LGR6: variants seen among roughly 807,000 people sequenced by gnomAD.
LGR6 encodes leucine-rich repeat-containing G protein-coupled receptor 6.
In LGR6, 45 loss-of-function variants were observed where a neutral mutation model predicts 69.4. The ratio of observed to expected loss-of-function variants is 0.65; its 90% CI spans 0.51 to 0.83. The LOEUF is 0.83. Ranked by LOEUF, LGR6 falls within the 40% of genes least tolerant of loss-of-function variation. LGR6 has a pLI of 0.00. For synonymous variants in LGR6, 538 were observed against 555.0 expected (o/e 0.97, Z 0.43); for missense variants, 1,108 against 1,246.7 (o/e 0.89, Z 1.68).
chr1:202,194,010 C>A lies in LGR6; in HGVS notation c.21C>A (p.Leu7=). 1 of 1,381,952 alleles carries A rather than the reference C, an allele frequency of 7.2e-7. No homozygotes were observed. The highest frequency in any genetic ancestry group is 9.3e-7 in the Non-Finnish European group (1 of 1,070,896). 85.6% of individuals were successfully genotyped at this position (1,381,952 alleles called of 1,614,324 possible). A position where few individuals can be genotyped will look rare whatever the true frequency, so the allele number is the denominator to read the frequency against. ...CCGAGATGCCCAGCCCGCCGGGGCT[C>A]CGGGCGCTATGGCTTTGCGCCGCGC... The part of the protein sequence containing the change: MPSPPG[L]RALWLCAALC... The change falls in exon 1 of 18, where the codon CTC becomes CTA. Residue 7 remains leucine (L), a synonymous_variant. Coordinates refer to ENST00000367278, the MANE Select transcript of LGR6 (RefSeq NM_001017403.2).
At chr1:202,317,018 T>A (rs1229517360) in intron 17 of LGR6, among the ~76,000 whole-genome samples, 8 of 152,168 alleles carry the variant, frequency 5.3e-5, no homozygotes. Flanking sequence ...CTGACAAGTA[T>A]TCAATGTGGT....
At chr1:202,199,740 T>A (rs1658773747) in intron 1 of LGR6, among the ~76,000 whole-genome samples, 1 of 152,150 alleles carries the variant, frequency 6.6e-6, no homozygotes. Context: ...GAGTCTCAGC[T>A]CCACTGTTGA....
At chr1:202,213,113 T>C (rs1015295353) in intron 1 of LGR6, among the ~76,000 whole-genome samples, 5 of 152,174 alleles carry the variant, frequency 3.3e-5, no homozygotes, top group African/African-American at 1.2e-4. Context: ...CCAGTGCTCA[T>C]CCAGGGCTCT....
chr1:202,253,329 G>C (rs1240195719), intron 4 of LGR6, among the ~76,000 whole-genome samples: 1 of 151,460 alleles, frequency 6.6e-6, no homozygotes. Context: ...TTAAGATGGA[G>C]TCTTGCTCTA....
At chr1:202,294,706 C>G (rs1216257163) in intron 6 of LGR6, among the ~76,000 whole-genome samples, 1 of 152,178 alleles carries the variant, frequency 6.6e-6, no homozygotes, top group Non-Finnish European at 1.5e-5. Flanking sequence ...TATATCACTT[C>G]CATTTCATTC....
intron 1 of LGR6, among the ~76,000 whole-genome samples, chr1:202,206,006 C>T (rs1055539857): frequency 1.4e-5 from 2 of 140,072 alleles, no homozygotes; most frequent in African/African-American, 2.7e-5. Context: ...TATGGGTCTC[C>T]GCCTGCAGGG....
At position 202,276,499 on chromosome 1, in the gene LGR6, A is replaced by C; in HGVS notation, c.622A>C (p.Asn208His). Residue 208 changes from asparagine (N) to histidine (H), a missense_variant, in exon 5 of 18, where the codon AAT becomes CAT. Asn to His is a moderately conservative substitution (Grantham distance 68). Transcript: ENST00000367278. ...CCACATCCCCGACTACGCGTTCCAGAATCTCACCAGCCTTGTGGTGCTGTG... is the reference window on the plus strand; with the variant it reads ...CCACATCCCCGACTACGCGTTCCAGCATCTCACCAGCCTTGTGGTGCTGTG... ...ISHIPDYAFQ[N>H]LTSLVVLHLH... 1 of 1,613,960 alleles carries C rather than the reference A, an allele frequency of 6.2e-7. No individual in the cohort carries two copies. Among genetic ancestry groups the C allele is most frequent in the Non-Finnish European group, 8.5e-7 (1 of 1,179,922 alleles).
intron 4 of LGR6, among the ~76,000 whole-genome samples, chr1:202,247,059 T>C (rs930180000): frequency 5.3e-5 from 8 of 152,320 alleles, no homozygotes; most frequent in Non-Finnish European, 7.3e-5. Context: ...CTCACAGCAC[T>C]AGGGAAACTA....
intron 1 of LGR6, among the ~76,000 whole-genome samples, chr1:202,204,214 C>T (rs888080662): frequency 1.1e-4 from 6 of 56,520 alleles, no homozygotes; most frequent in South Asian, 2.9e-3. Flanking sequence ...CTCCTTCAAG[C>T]ACACACACAC....
rs78217455 is a variant in LGR6, at chr1:202,253,210, A to C, written c.428+17217A>C. The stretch of plus-strand genomic sequence containing the variant: ...TGTGATCTATAAACTAGGAATAACA[A>C]AGTGGTTGTTTTGAAGACTCATGAG... On this transcript the variant is annotated intron_variant, in intron 4 of 17. Coordinates refer to ENST00000367278, the MANE Select transcript of LGR6 (RefSeq NM_001017403.2). 9.2e-3 allele frequency among the ~76,000 whole-genome samples: 1,399 copies of C among 152,282 alleles called. 22 individuals carry two copies. The highest frequency in any genetic ancestry group is 0.032 in the African/African-American group (1,330 of 41,546).
At chr1:202,254,167 C>G (rs1022716610) in intron 4 of LGR6, among the ~76,000 whole-genome samples, 3 of 152,256 alleles carry the variant, frequency 2.0e-5, no homozygotes, top group South Asian at 2.1e-4. Flanking sequence ...AGGATGGTCT[C>G]CATCTCCTGG....
intron 7 of LGR6, 55 bp downstream of exon 7, chr1:202,297,631 G>A (rs1667259816): frequency 9.6e-6 from 14 of 1,453,012 alleles, no homozygotes; most frequent in Non-Finnish European, 1.3e-5. Flanking sequence ...GGCAGGGGCT[G>A]AAGCCAGCCT....
At chr1:202,282,182 C>A (rs1309561133) in intron 6 of LGR6, among the ~76,000 whole-genome samples, 2 of 152,206 alleles carry the variant, frequency 1.3e-5, no homozygotes, top group Non-Finnish European at 2.9e-5. Context: ...ATTGGAACCT[C>A]TTCCTGCCAC....
chr1:202,285,828 T>C (rs1312798602), intron 6 of LGR6, among the ~76,000 whole-genome samples: 1 of 152,150 alleles, frequency 6.6e-6, no homozygotes, highest in Non-Finnish European at 1.5e-5. Context: ...AACAGCAACT[T>C]ATTCTCTCAC....
At chr1:202,228,253 T>TA (rs1242785203) in intron 3 of LGR6, among the ~76,000 whole-genome samples, 1 of 152,208 alleles carries the variant, frequency 6.6e-6, no homozygotes, top group African/African-American at 2.4e-5. Flanking sequence ...GTGAAACATT[T>TA]AAAAAAATTA....
At chr1:202,293,434 C>G (rs565017486) in intron 6 of LGR6, among the ~76,000 whole-genome samples, 1 of 152,254 alleles carries the variant, frequency 6.6e-6, no homozygotes, top group East Asian at 1.9e-4. Flanking sequence ...CCTGATGCTT[C>G]GTGTGCTCTC....
intron 6 of LGR6, among the ~76,000 whole-genome samples, chr1:202,282,230 C>T (rs1666066840): frequency 6.6e-6 from 1 of 152,238 alleles, no homozygotes; most frequent in African/African-American, 2.4e-5. Flanking sequence ...CCCTCTCTAG[C>T]TGTCATAGAC....
chr1:202,240,461 G>A (rs916893767), intron 4 of LGR6, among the ~76,000 whole-genome samples: 2 of 152,038 alleles, frequency 1.3e-5, no homozygotes, highest in African/African-American at 2.4e-5. Context: ...GGGATGTGCT[G>A]AGGCCCCTCT....
Position 202,306,887 on chromosome 1 carries a change from A to T in LGR6, c.1156A>T (p.Ile386Phe). 1 of 1,614,040 alleles carries T rather than the reference A, an allele frequency of 6.2e-7. No homozygotes were observed. Among genetic ancestry groups the T allele is most frequent in the Non-Finnish European group, 8.5e-7 (1 of 1,179,986 alleles). Residue 386 changes from isoleucine (I) to phenylalanine (F), a missense_variant, in exon 13 of 18, where the codon ATC becomes TTC. By Grantham distance (21) the Ile-to-Phe change is conservative. Transcript: ENST00000367278. ...LEEIGLQHNRIWEIGADTFSQ... is the reference protein window; with the variant it reads ...LEEIGLQHNRFWEIGADTFSQ... ...CCCTAGCGGCCTCCAACACAACCGC[A>T]TCTGGGAAATTGGAGCTGACACCTT... is the stretch of plus-strand genomic sequence containing the variant.
Sources: gnomAD v4.1 joint callset for allele counts (sites outside exome capture counted in the v4.1 genomes callset) on GRCh38, gnomAD v4.1.1 for gene constraint, MANE v1.5 for transcripts, NCBI Gene and HGNC (gene_info 2026-07-23, HGNC 2026-07-21) for gene names.